The following RUNX2 variants were observed in gnomAD, a reference collection of about 807,000 sequenced individuals.
RUNX2 encodes runt-related transcription factor 2.
In RUNX2, 10 loss-of-function variants were observed where a neutral mutation model predicts 51.7. The observed-to-expected ratio is 0.19, with a 90% CI of 0.12 to 0.33. The LOEUF is 0.33. Ranked by LOEUF, RUNX2 falls within the 10% of genes least tolerant of loss-of-function variation. The probability of loss-of-function intolerance (pLI) is 1.00; values close to 1 mark genes in which losing one functional copy is unlikely to be tolerated. For synonymous variants in RUNX2, 276 were observed against 273.6 expected, an observed-to-expected ratio of 1.01 and a Z score of -0.09; for missense variants, 562 against 691.3, an observed-to-expected ratio of 0.81 and a Z score of 2.10.
chr6:45,334,612 C>T (rs1051446201), intron 2 of RUNX2, among the ~76,000 whole-genome samples: 12 of 150,822 alleles, frequency 8.0e-5, no homozygotes, highest in African/African-American at 1.5e-4. Flanking sequence ...ATTTTTACAC[C>T]GAAACAAAAT....
At chr6:45,400,702 C>T (rs1797697579) in intron 2 of RUNX2, among the ~76,000 whole-genome samples, 1 of 152,114 alleles carries the variant, frequency 6.6e-6, no homozygotes, top group Admixed American at 6.5e-5. Flanking sequence ...ACTTAGAACC[C>T]AGCCGTTTTC....
At chr6:45,331,103 T>TGG (rs1202539705) in intron 2 of RUNX2, among the ~76,000 whole-genome samples, 3 of 122,530 alleles carry the variant, frequency 2.4e-5, no homozygotes, top group Admixed American at 9.1e-5. Context: ...ATACAATGAG[T>TGG]GGTGTGTGTG....
At chr6:45,485,695 G>GTATATACATATATATATATATATA (rs1389655363) in intron 5 of RUNX2, among the ~76,000 whole-genome samples, 1 of 107,094 alleles carries the variant, frequency 9.3e-6, no homozygotes, top group Non-Finnish European at 2.0e-5. Context: ...GTGTGTGTGT[G>GTATATACATATATATATATATATA]TGTATATATA....
chr6:45,420,144 C>A (rs1241540342), intron 2 of RUNX2, among the ~76,000 whole-genome samples: 1 of 152,180 alleles, frequency 6.6e-6, no homozygotes, highest in Non-Finnish European at 1.5e-5. Context: ...CGCACCCCCA[C>A]CTCTGCTCCC....
chr6:45,446,887 T>A (rs1386157899), intron 5 of RUNX2, among the ~76,000 whole-genome samples: 2 of 152,186 alleles, frequency 1.3e-5, no homozygotes, highest in Non-Finnish European at 2.9e-5. Context: ...AAATATTAAT[T>A]CAAGATCATA....
chr6:45,332,440 T>C (rs1787703817), intron 2 of RUNX2, among the ~76,000 whole-genome samples: 1 of 151,866 alleles, frequency 6.6e-6, no homozygotes, highest in Non-Finnish European at 1.5e-5. Flanking sequence ...TCATGATTAA[T>C]GATGCACCCG....
chr6:45,367,864 G>A (rs1184244992), intron 2 of RUNX2, among the ~76,000 whole-genome samples: 2 of 152,086 alleles, frequency 1.3e-5, no homozygotes, highest in Admixed American at 1.3e-4. Flanking sequence ...TCAAACAGGT[G>A]AATAACATTT....
chr6:45,538,699 C>G (rs560793680), intron 7 of RUNX2, among the ~76,000 whole-genome samples: 3 of 150,934 alleles, frequency 2.0e-5, no homozygotes, highest in Non-Finnish European at 4.4e-5. Context: ...ATCGGAGGAA[C>G]GCAACCACAT....
chr6:45,477,071 G>C (rs1011753476), intron 5 of RUNX2, among the ~76,000 whole-genome samples: 2 of 152,144 alleles, frequency 1.3e-5, no homozygotes, highest in African/African-American at 2.4e-5. Flanking sequence ...ACAGACAAAG[G>C]TTCTCTTGCT....
intron 2 of RUNX2, among the ~76,000 whole-genome samples, chr6:45,413,505 A>G (rs1440735789): frequency 7.9e-6 from 1 of 126,788 alleles, no homozygotes; most frequent in African/African-American, 3.1e-5. Context: ...ATCTTGGCTC[A>G]CTGCAACATT....
rs1017971739 is a variant in RUNX2 at position 45,550,007 on chromosome 6, T to C, written c.*2702T>C. On this transcript the variant is annotated 3_prime_UTR_variant, in exon 9 of 9. Coordinates refer to ENST00000647337, the MANE Select transcript of RUNX2 (RefSeq NM_001024630.4). ...AATTTTGTTTTTCTTTCTTTCTTTT[T>C]TTTTTTTTTTCACTGAACCCTTAAT... is the stretch of plus-strand genomic sequence containing the variant. 9 of 152,066 alleles carry C rather than the reference T, an allele frequency of 5.9e-5. No individual in the cohort carries two copies. The highest frequency in any genetic ancestry group is 1.7e-4 in the African/African-American group (7 of 41,342). 9.4% of individuals were successfully genotyped at this position (152,066 alleles called of 1,614,324 possible).
chr6:45,401,943 C>A (rs930161808), intron 2 of RUNX2, among the ~76,000 whole-genome samples: 3 of 152,224 alleles, frequency 2.0e-5, no homozygotes, highest in African/African-American at 7.2e-5. Context: ...CTCTCTTTGT[C>A]TTCAGCTTTC....
chr6:45,433,675 ACCC>A (rs1798604915), intron 4 of RUNX2, among the ~76,000 whole-genome samples: 1 of 152,136 alleles, frequency 6.6e-6, no homozygotes, highest in South Asian at 2.1e-4. Flanking sequence ...TACTTTGTAA[ACCC>A]TCAACATATT....
chr6:45,438,724 A>C (rs997495465), intron 5 of RUNX2, among the ~76,000 whole-genome samples: 3 of 152,192 alleles, frequency 2.0e-5, no homozygotes, highest in Non-Finnish European at 4.4e-5. Flanking sequence ...ACTTGGGCCA[A>C]TATGTATGTT....
intron 4 of RUNX2, among the ~76,000 whole-genome samples, chr6:45,436,793 A>T (rs968623549): frequency 6.6e-6 from 1 of 152,198 alleles, no homozygotes; most frequent in Non-Finnish European, 1.5e-5. Flanking sequence ...GCATTGGTAC[A>T]TATTGTCAAA....
intron 6 of RUNX2, among the ~76,000 whole-genome samples, chr6:45,509,117 C>T (rs1430448688): frequency 6.6e-6 from 1 of 152,146 alleles, no homozygotes; most frequent in Non-Finnish European, 1.5e-5. Flanking sequence ...ATAGTATTAT[C>T]ATCTCCATTT....
chr6:45,388,563 G>A (rs115897336), intron 2 of RUNX2, among the ~76,000 whole-genome samples: 2,670 of 152,284 alleles, frequency 0.018, 49 homozygotes, highest in South Asian at 0.084. Flanking sequence ...GTAAGTTAAT[G>A]TTTGAGAACA....
intron 5 of RUNX2, among the ~76,000 whole-genome samples, chr6:45,476,829 C>T (rs1341397665): frequency 5.3e-5 from 8 of 152,180 alleles, no homozygotes; most frequent in Non-Finnish European, 1.0e-4. Flanking sequence ...CTAAATCTAT[C>T]TTTCCCTTTA....
At chr6:45,468,405 C>A (rs549367002) in intron 5 of RUNX2, among the ~76,000 whole-genome samples, 1 of 152,208 alleles carries the variant, frequency 6.6e-6, no homozygotes. Context: ...ATGAACTAGC[C>A]AGCTTCTTGA....
Sources: gnomAD v4.1 joint callset for allele counts (sites outside exome capture counted in the v4.1 genomes callset) on GRCh38, gnomAD v4.1.1 for gene constraint, MANE v1.5 for transcripts, NCBI Gene and HGNC (gene_info 2026-07-23, HGNC 2026-07-21) for gene names.